The following TRMT9B variants were observed in gnomAD, a reference collection of about 807,000 sequenced individuals.
The protein encoded by TRMT9B is probable tRNA methyltransferase 9B.
Under a neutral mutation model 11.5 loss-of-function variants are expected in TRMT9B, and 16 were observed. The observed-to-expected ratio is 1.39, with a 90% CI of 0.94 to 2.11. The LOEUF is 2.11. Ranked by LOEUF, TRMT9B falls within the 30% of genes most tolerant of loss-of-function variation. The pLI, the probability that TRMT9B is intolerant of heterozygous loss-of-function variation, is 0.00. For synonymous variants in TRMT9B, 274 were observed against 192.4 expected, an observed-to-expected ratio of 1.42 and a Z score of -3.51; for missense variants, 941 against 553.8, an observed-to-expected ratio of 1.70 and a Z score of -7.02.
chr8:12,959,789 C>G (rs1220333428), intron 1 of TRMT9B: 4 of 152,168 alleles, frequency 2.6e-5, no homozygotes, highest in Non-Finnish European at 5.9e-5. Context: ...TCAGCTTCCC[C>G]AAGTGCTGGG....
intron 3 of TRMT9B, among the ~76,000 whole-genome samples, chr8:13,009,824 C>T (rs971887659): frequency 6.6e-6 from 1 of 151,872 alleles, no homozygotes; most frequent in Non-Finnish European, 1.5e-5. Flanking sequence ...TGTATTTTGC[C>T]GCTACAAATT....
intron 4 of TRMT9B, among the ~76,000 whole-genome samples, chr8:13,020,360 G>C (rs1392583104): frequency 2.0e-5 from 3 of 152,088 alleles, no homozygotes; most frequent in Non-Finnish European, 2.9e-5. Context: ...ACTTGATAAA[G>C]GCAGTCTTAC....
chr8:12,991,182 G>T (rs2460340), intron 2 of TRMT9B, among the ~76,000 whole-genome samples, 151 bp downstream of exon 2: 5,488 of 152,234 alleles, frequency 0.036, 118 homozygotes, highest in African/African-American at 0.058. Context: ...TTTGCATGAG[G>T]TGGAAAACAG....
Position 13,010,840 on chromosome 8 carries a change from T to G in TRMT9B, c.155-1844T>G, listed in dbSNP as rs547595486. On this transcript the variant is annotated intron_variant, in intron 3 of 4. Transcript: ENST00000524591. The stretch of plus-strand genomic sequence containing the variant: ...TTTAATTTTAAAATACTTTGTGAAT[T>G]ATATTTTCCCCATGATTGCCTTCAA... The G allele has an allele frequency of 3.4e-5, 33 of 982,010 alleles. No homozygotes were observed. In the African/African-American group the frequency reaches 5.8e-4, roughly 17 times the overall value. 60.8% of individuals were successfully genotyped at this position (982,010 alleles called of 1,614,324 possible).
intron 1 of TRMT9B, among the ~76,000 whole-genome samples, chr8:12,974,159 G>T (rs1804062899): frequency 6.6e-6 from 1 of 151,248 alleles, no homozygotes. Flanking sequence ...TGACAAGCAA[G>T]ACCCTGTCCC....
chr8:13,011,543 A>G, intron 3 of TRMT9B: 1 of 943,114 alleles, frequency 1.1e-6, no homozygotes, highest in Non-Finnish European at 1.3e-6. Flanking sequence ...CTGGAAAGTA[A>G]TTAGATTATA....
chr8:13,009,825 G>T (rs928431699), intron 3 of TRMT9B, among the ~76,000 whole-genome samples: 1 of 151,898 alleles, frequency 6.6e-6, no homozygotes, highest in Non-Finnish European at 1.5e-5. Context: ...GTATTTTGCC[G>T]CTACAAATTA....
At chr8:12,997,031 T>C (rs1252340294) in intron 2 of TRMT9B, among the ~76,000 whole-genome samples, 1 of 151,630 alleles carries the variant, frequency 6.6e-6, no homozygotes, top group Non-Finnish European at 1.5e-5. Context: ...GATCTATCTA[T>C]GGGCTCATGT....
chr8:12,988,710 A>C (rs1002049250), intron 1 of TRMT9B, among the ~76,000 whole-genome samples: 13 of 152,186 alleles, frequency 8.5e-5, no homozygotes, highest in African/African-American at 3.1e-4. Flanking sequence ...ACCTCCCACC[A>C]GTTCCCTCCC....
intron 3 of TRMT9B, chr8:13,006,844 T>C (rs1452465216): frequency 4.6e-6 from 1 of 217,436 alleles, no homozygotes; most frequent in Non-Finnish European, 8.6e-6. Flanking sequence ...AATTTTTGTA[T>C]TTTTAGTAGA....
At chr8:12,965,560 C>T (rs145501057) in intron 1 of TRMT9B, among the ~76,000 whole-genome samples, 2,129 of 152,120 alleles carry the variant, frequency 0.014, 29 homozygotes, top group Middle Eastern at 0.068. Flanking sequence ...TCTGATGACC[C>T]GAAAGTCTTT....
intron 3 of TRMT9B, chr8:13,007,258 G>C (rs1810652878): frequency 1.3e-5 from 2 of 152,144 alleles, no homozygotes; most frequent in South Asian, 4.1e-4. Flanking sequence ...CATTATAGGA[G>C]CGCATCTTTA....
chr8:13,014,411 G>T, intron 4 of TRMT9B, among the ~76,000 whole-genome samples: 1 of 152,308 alleles, frequency 6.6e-6, no homozygotes, highest in South Asian at 2.1e-4. Context: ...CTCCTACCAG[G>T]TTGCAGATGG....
At chr8:12,969,547 C>G (rs1447977457) in intron 1 of TRMT9B, among the ~76,000 whole-genome samples, 1 of 152,168 alleles carries the variant, frequency 6.6e-6, no homozygotes, top group Non-Finnish European at 1.5e-5. Flanking sequence ...CTCTAGATTA[C>G]TTGCAATAAC....
At chr8:12,983,434 C>A (rs1440553118) in intron 1 of TRMT9B, among the ~76,000 whole-genome samples, 2 of 152,148 alleles carry the variant, frequency 1.3e-5, no homozygotes, top group Non-Finnish European at 2.9e-5. Context: ...CTTTGGGTGG[C>A]TGAGGAGGGC....
At chr8:12,969,937 G>C (rs1282927931) in intron 1 of TRMT9B, 1 of 148,286 alleles carries the variant, frequency 6.7e-6, no homozygotes, top group African/African-American at 2.5e-5. Flanking sequence ...TCCCACCTCA[G>C]CTTCCCAAAA....
At chr8:13,010,768 G>C (rs771097202) in intron 3 of TRMT9B, 395 of 983,172 alleles carry the variant, frequency 4.0e-4, no homozygotes, top group Non-Finnish European at 4.6e-4. Context: ...GAATTGCAAG[G>C]TTATTTTTCT....
chr8:12,961,056 G>A (rs373412004), intron 1 of TRMT9B, among the ~76,000 whole-genome samples: 24 of 152,088 alleles, frequency 1.6e-4, no homozygotes, highest in Non-Finnish European at 8.8e-5. Context: ...CAGGAGAATC[G>A]CTTGAACCCG....
intron 1 of TRMT9B, among the ~76,000 whole-genome samples, chr8:12,976,366 T>C (rs1383643387): frequency 2.2e-5 from 2 of 89,206 alleles, no homozygotes; most frequent in Admixed American, 1.6e-4. Context: ...GTTTATGCTT[T>C]ACTTTTTTTT....
Sources: allele counts gnomAD v4.1 joint callset (sites outside exome capture counted in the v4.1 genomes callset), GRCh38; gene constraint gnomAD v4.1.1; transcripts MANE v1.5; gene names NCBI Gene and HGNC (gene_info 2026-07-23, HGNC 2026-07-21).